PCDHGA2: variants seen among roughly 807,000 people sequenced by gnomAD.
The protein encoded by PCDHGA2 is protocadherin gamma-A2.
In PCDHGA2, 40 loss-of-function variants were observed where a neutral mutation model predicts 59.2. The ratio of observed to expected loss-of-function variants is 0.68; its 90% confidence interval spans 0.52 to 0.88. PCDHGA2 has a LOEUF of 0.88. Among genes scored for constraint, PCDHGA2 ranks in the 40% least tolerant of loss-of-function variants. The pLI is 0.00. For synonymous variants in PCDHGA2, 560 were observed against 526.0 expected (o/e 1.06, Z -0.89); for missense variants, 1,226 against 1,204.0 (o/e 1.02, Z -0.27).
intron 1 of PCDHGA2, chr5:141,419,577 C>T: frequency 3.7e-6 from 6 of 1,611,732 alleles, no homozygotes; most frequent in Non-Finnish European, 5.1e-6. Flanking sequence ...GACGGCTCCG[C>T]GCTCTTCGAC....
rs1375121802 is a variant in PCDHGA2 at position 141,432,471 on chromosome 5, G to A, written c.2425-62336G>A. 2 of 1,614,094 alleles carry A rather than the reference G, an allele frequency of 1.2e-6. No homozygotes were observed. Among genetic ancestry groups the A allele is most frequent in the African/African-American group, 2.7e-5 (2 of 74,946 alleles). ...CTGTACCCCGCCCTCCCCACGGACG[G>A]TTCCACTGGCGTGGAGCTGGCTCCC... is the stretch of plus-strand genomic sequence containing the variant. On this transcript the variant is annotated intron_variant, in intron 1 of 3. Coordinates refer to ENST00000394576, the MANE Select transcript of PCDHGA2 (RefSeq NM_018915.4). The surrounding 1 kb of genome is among the most constrained non-coding windows in gnomAD (Gnocchi z 6.0).
In PCDHGA2 at chr5:141,430,181, T is replaced by A. The variant is rs561671481; in HGVS notation, c.2425-64626T>A. ...TCTATTTAAAAATATTTTCCCCAAA[T>A]TATAGCTGAATCAGAAAGTTTAAAT... On this transcript the variant is annotated intron_variant, in intron 1 of 3. Transcript: ENST00000394576. 2.0e-5 allele frequency among the ~76,000 whole-genome samples: 3 copies of A among 152,252 alleles called. No homozygotes were observed. The South Asian group carries it at 6.2e-4, about 32-fold the overall frequency.
chr5:141,420,244 C>A lies in PCDHGA2; in HGVS notation c.2425-74563C>A, dbSNP rs755775597. On this transcript the variant is annotated intron_variant, in intron 1 of 3. Coordinates refer to ENST00000394576, the MANE Select transcript of PCDHGA2 (RefSeq NM_018915.4). ...TACTGGCTAGCATTTTAACTCCCAGCGTTGAAGCAGATAAGAAGATTCTTA... is the reference window on the plus strand; with the variant it reads ...TACTGGCTAGCATTTTAACTCCCAGAGTTGAAGCAGATAAGAAGATTCTTA... 83 of 1,584,438 alleles carry A rather than the reference C, an allele frequency of 5.2e-5. 1 individual carries two copies. The South Asian group carries it at 9.4e-4, about 18-fold the overall frequency.
intron 1 of PCDHGA2, chr5:141,370,593 C>A (rs373364003): frequency 6.2e-6 from 10 of 1,613,710 alleles, no homozygotes; most frequent in South Asian, 2.2e-5. Flanking sequence ...TAGGAACCTG[C>A]GGGTTATTGC....
At chr5:141,359,582 T>C (rs936451476) in intron 1 of PCDHGA2, among the ~76,000 whole-genome samples, 2 of 151,660 alleles carry the variant, frequency 1.3e-5, no homozygotes, top group African/African-American at 2.4e-5. Flanking sequence ...CTTTAAGATA[T>C]AACAACTAAA....
At chr5:141,447,027 T>TG (rs563674341) in intron 1 of PCDHGA2, among the ~76,000 whole-genome samples, 103 of 152,252 alleles carry the variant, frequency 6.8e-4, no homozygotes, top group South Asian at 2.3e-3. Flanking sequence ...TGTTTTGTTT[T>TG]TTTTCTGTGT....
chr5:141,352,993 C>G (rs913213055), intron 1 of PCDHGA2, among the ~76,000 whole-genome samples: 6 of 152,214 alleles, frequency 3.9e-5, no homozygotes, highest in African/African-American at 1.4e-4. Flanking sequence ...TCTAAAAAAA[C>G]AAACAAACAA....
chr5:141,368,390 C>T (rs1290377488), intron 1 of PCDHGA2, among the ~76,000 whole-genome samples: 1 of 152,100 alleles, frequency 6.6e-6, no homozygotes, highest in Non-Finnish European at 1.5e-5. Flanking sequence ...CATACACACA[C>T]ACAAACACAC....
chr5:141,338,910 A>T lies in PCDHGA2; in HGVS notation c.-62A>T, dbSNP rs1756788456. On this transcript the variant is annotated 5_prime_UTR_variant, in exon 1 of 4. An upstream open reading frame in the 5' UTR loses its in-frame stop. Coordinates refer to ENST00000394576, the MANE Select transcript of PCDHGA2 (RefSeq NM_018915.4). ...CTGGTTATCTCACACCCTGAGGAAT[A>T]AAGATTGGAATCCGCACTGGATGCT... 4 of 1,502,618 alleles carry T rather than the reference A, an allele frequency of 2.7e-6. No individual in the cohort carries two copies. In the South Asian group the frequency reaches 5.5e-5, roughly 21 times the overall value. 93.1% of individuals were successfully genotyped at this position (1,502,618 alleles called of 1,614,324 possible). A position where few individuals can be genotyped will look rare whatever the true frequency, so the allele number is the denominator to read the frequency against.
intron 1 of PCDHGA2, chr5:141,362,013 G>T (rs781020540): frequency 6.2e-7 from 1 of 1,606,178 alleles, no homozygotes; most frequent in South Asian, 1.1e-5. Context: ...CGGGTGAGGT[G>T]CGCACAGCGC....
chr5:141,459,843 T>C (rs1328781794), intron 1 of PCDHGA2, among the ~76,000 whole-genome samples: 1 of 152,228 alleles, frequency 6.6e-6, no homozygotes, highest in African/African-American at 2.4e-5. Context: ...TGTCTATTTG[T>C]ATATCTTCTT....
At position 141,486,061 on chromosome 5, in the gene PCDHGA2, C is replaced by T. The variant is rs1280895997; in HGVS notation, c.2425-8746C>T. 2 of 1,614,166 alleles carry T rather than the reference C, an allele frequency of 1.2e-6. No individual in the cohort carries two copies. Among genetic ancestry groups the T allele is most frequent in the South Asian group, 1.1e-5 (1 of 91,078 alleles). On this transcript the variant is annotated intron_variant, in intron 1 of 3. Coordinates refer to ENST00000394576, the MANE Select transcript of PCDHGA2 (RefSeq NM_018915.4). The surrounding 1 kb of genome is among the most constrained non-coding windows in gnomAD (Gnocchi z 5.0). ...GTGTAAGAAACCTCTTTAGCCTGCA[C>T]CCCACTACTGGAAAGCTTACTCTTT...
rs768367034 is a variant in PCDHGA2 at position 141,360,834 on chromosome 5, G to A, written c.2424+19439G>A. On this transcript the variant is annotated intron_variant, in intron 1 of 3. Transcript: ENST00000394576. ...CGACCCAAATCCGAATCAAAGTCAC[G>A]GATGCCAACGATAACCCTCCAGTGT... 5 of 1,613,800 alleles carry A rather than the reference G, an allele frequency of 3.1e-6. No individual in the cohort carries two copies. The African/African-American group carries it at 6.7e-5, about 22-fold the overall frequency.
chr5:141,439,487 G>A lies in PCDHGA2; in HGVS notation c.2425-55320G>A, dbSNP rs11952418. 8.3e-3 allele frequency among the ~76,000 whole-genome samples: 1,269 copies of A among 152,266 alleles called. 16 individuals are homozygous for A. Among genetic ancestry groups the A allele is most frequent in the African/African-American group, 0.029 (1,205 of 41,540 alleles). Reference sequence around the variant, plus strand: ...GCTGCCTTTCAGCTTGCAAATTCCAGTGAGAAACGTCTTTCTCTCTGCTCT... The same window carrying A: ...GCTGCCTTTCAGCTTGCAAATTCCAATGAGAAACGTCTTTCTCTCTGCTCT... On this transcript the variant is annotated intron_variant, in intron 1 of 3. Coordinates refer to ENST00000394576, the MANE Select transcript of PCDHGA2 (RefSeq NM_018915.4).
intron 1 of PCDHGA2, chr5:141,405,598 T>G: frequency 1.7e-6 from 1 of 577,840 alleles, no homozygotes; most frequent in South Asian, 2.2e-5. Context: ...GCCTCCCAAG[T>G]AGAATAACTG....
chr5:141,462,122 C>T (rs1437400069), intron 1 of PCDHGA2, among the ~76,000 whole-genome samples: 1 of 152,044 alleles, frequency 6.6e-6, no homozygotes, highest in South Asian at 2.1e-4. Context: ...TGCACCCAGT[C>T]CAATTTTTTG....
intron 1 of PCDHGA2, chr5:141,389,471 A>G: frequency 6.2e-7 from 1 of 1,613,210 alleles, no homozygotes; most frequent in Non-Finnish European, 8.5e-7. Flanking sequence ...TCGAACTCAC[A>G]CTGCAGGCCC....
chr5:141,449,645 A>G (rs1331667429), intron 1 of PCDHGA2, among the ~76,000 whole-genome samples: 1 of 151,128 alleles, frequency 6.6e-6, no homozygotes, highest in African/African-American at 2.4e-5. Context: ...CTATATATAC[A>G]TATTTACATA....
At chr5:141,484,425 A>G (rs2099596309) in intron 1 of PCDHGA2, among the ~76,000 whole-genome samples, 3 of 152,192 alleles carry the variant, frequency 2.0e-5, no homozygotes, top group African/African-American at 7.2e-5. Flanking sequence ...TACAATGAGA[A>G]CATGTACTGC....
Sources: allele counts gnomAD v4.1 joint callset (sites outside exome capture counted in the v4.1 genomes callset), GRCh38; gene constraint gnomAD v4.1.1; non-coding constraint Gnocchi (gnomAD v3.1); transcripts MANE v1.5; gene names NCBI Gene and HGNC (gene_info 2026-07-23, HGNC 2026-07-21).